Variants in WDR82 observed in about 807,000 individuals in gnomAD.
The protein encoded by WDR82 is WD repeat-containing protein 82.
WDR82 carries 8 observed loss-of-function variants against 36.1 expected under a neutral mutation model. That is an observed-to-expected ratio of 0.22 (90% CI 0.13 to 0.40). The LOEUF (loss-of-function observed/expected upper bound fraction) is 0.40, where lower values mean the gene tolerates loss of function less well. Ranked by LOEUF, WDR82 falls within the 10% of genes least tolerant of loss-of-function variation. The pLI, the probability that WDR82 is intolerant of heterozygous loss-of-function variation, is 1.00. For missense variants in WDR82, 185 were observed against 400.5 expected (o/e 0.46, Z 4.59); for synonymous variants, 129 against 137.8 (o/e 0.94, Z 0.45).
chr3:52,261,086 T>C (rs536143102), intron 4 of WDR82, among the ~76,000 whole-genome samples: 1 of 152,132 alleles, frequency 6.6e-6, no homozygotes, highest in East Asian at 1.9e-4. Flanking sequence ...GATTGCACCA[T>C]TGCACTCCAG....
intron 7 of WDR82, among the ~76,000 whole-genome samples, chr3:52,258,966 GTAGGGTTA>G (rs1700036369): frequency 6.6e-6 from 1 of 152,196 alleles, no homozygotes; most frequent in South Asian, 2.1e-4. Flanking sequence ...ATGACTGAAT[GTAGGGTTA>G]CACCAGGACA....
At position 52,258,583 on chromosome 3, in the gene WDR82, G is replaced by C; in HGVS notation, c.865C>G (p.Gln289Glu). 1.2e-6 allele frequency: 2 copies of C among 1,614,106 alleles called. No homozygotes were observed. The highest frequency in any genetic ancestry group is 1.7e-6 in the Non-Finnish European group (2 of 1,179,974). Residue 289 changes from glutamine to glutamate, a missense_variant, in exon 8 of 9, where the codon CAA becomes GAA. By Grantham distance (29) the Gln-to-Glu change is conservative. Transcript: ENST00000296490. ...GKHTGPITCL[Q>E]FNPKFMTFAS... ...AAAGTCATGAACTTGGGGTTGAATT[G>C]CAAACAGGTAATCGGGCCTGTGTGT...
At chr3:52,277,006 T>TA (rs769178240) in intron 1 of WDR82, among the ~76,000 whole-genome samples, 1,945 of 108,144 alleles carry the variant, frequency 0.018, 25 homozygotes, top group Middle Eastern at 0.068. Flanking sequence ...GACACCAGTC[T>TA]AAAAAAAAAA....
chr3:52,261,642 C>T (rs1039300504), intron 3 of WDR82, among the ~76,000 whole-genome samples, 163 bp from the exon 4 acceptor site: 1 of 151,152 alleles, frequency 6.6e-6, no homozygotes, highest in Non-Finnish European at 1.5e-5. Context: ...ATATCTGGAA[C>T]AAACAAAGGC....
Position 52,269,222 on chromosome 3 carries a change from C to A in WDR82, c.259+1490G>T, listed in dbSNP as rs1030640583. 6.9e-4 allele frequency among the ~76,000 whole-genome samples: 104 copies of A among 151,806 alleles called. 1 individual carries two copies. The highest frequency in any genetic ancestry group is 2.1e-3 in the African/African-American group (85 of 41,294). Reference sequence around the variant, plus strand: ...GGGCGTGGTGGTTCACACCTGTAATCCCAGCACTTTGGGAGGATGAGGCAG... The same window carrying A: ...GGGCGTGGTGGTTCACACCTGTAATACCAGCACTTTGGGAGGATGAGGCAG... On this transcript the variant is annotated intron_variant, in intron 2 of 8. Transcript: ENST00000296490.
chr3:52,268,723 T>TAA (rs775719787), intron 2 of WDR82, among the ~76,000 whole-genome samples: 2 of 139,262 alleles, frequency 1.4e-5, no homozygotes. Context: ...AGAGTCTCAT[T>TAA]AAAAAAAAAA....
intron 5 of WDR82, 27 bp from the exon 6 acceptor site, chr3:52,259,899 C>A (rs1559452723): frequency 6.3e-7 from 1 of 1,592,314 alleles, no homozygotes; most frequent in Non-Finnish European, 8.5e-7. Flanking sequence ...ACAGTAGCCC[C>A]AGGCATATTA....
At chr3:52,267,859 G>A (rs954856409) in intron 2 of WDR82, 1 of 155,438 alleles carries the variant, frequency 6.4e-6, no homozygotes, top group Admixed American at 6.2e-5. Flanking sequence ...AAAAAGACTA[G>A]GAATAAGGAA....
rs144560887 is a variant in WDR82 at position 52,254,513 on chromosome 3, C to T, written c.*2977G>A. 4 of 152,688 alleles carry T rather than the reference C, an allele frequency of 2.6e-5. No individual in the cohort carries two copies. The highest frequency in any genetic ancestry group is 4.4e-5 in the Non-Finnish European group (3 of 68,018). The allele number at this position is 152,688 out of a possible 1,614,324, so 9.5% of individuals were successfully genotyped here. ...ACATAAAATTGTATATACAGAATAA[C>T]GACTATGTAAACACACCAAAAATCT... On this transcript the variant is annotated 3_prime_UTR_variant, in exon 9 of 9. Coordinates refer to ENST00000296490, the MANE Select transcript of WDR82 (RefSeq NM_025222.4).
At chr3:52,274,972 C>T (rs761471207) in intron 1 of WDR82, among the ~76,000 whole-genome samples, 2 of 152,154 alleles carry the variant, frequency 1.3e-5, no homozygotes, top group Non-Finnish European at 2.9e-5. Context: ...CCTGCAATCC[C>T]AGCACTTTGG....
At chr3:52,278,107 G>A (rs2107346487) in intron 1 of WDR82, 94 bp downstream of exon 1, 1 of 1,333,498 alleles carries the variant, frequency 7.5e-7, no homozygotes, top group Middle Eastern at 2.0e-4. Flanking sequence ...TAGGCTGGGG[G>A]CTGAAGTCGG....
chr3:52,265,697 TCCG>T (rs1700099865), intron 3 of WDR82, among the ~76,000 whole-genome samples: 1 of 151,216 alleles, frequency 6.6e-6, no homozygotes, highest in East Asian at 2.0e-4. Context: ...TGCCTGAGCC[TCCG>T]AAGTAGTAGG....
chr3:52,264,526 C>A (rs1700088435), intron 3 of WDR82, among the ~76,000 whole-genome samples: 1 of 152,066 alleles, frequency 6.6e-6, no homozygotes, highest in Admixed American at 6.6e-5. Flanking sequence ...ATGATTTCAA[C>A]AGTGAACATG....
chr3:52,266,861 C>A, intron 3 of WDR82, 91 bp downstream of exon 3: 1 of 1,064,248 alleles, frequency 9.4e-7, no homozygotes, highest in Non-Finnish European at 1.4e-6. Context: ...GAAGTAGCTT[C>A]AGTTCACTAA....
In WDR82 at chr3:52,259,871, C is replaced by T; in HGVS notation, c.545G>A (p.Gly182Glu). The change falls in exon 6 of 9, where the codon GGG becomes GAG. Residue 182 changes from glycine to glutamate, a missense_variant and splice_region_variant. Transcript: ENST00000296490. Reference sequence around the variant, plus strand: ...CTGCATCTTAAAGGTAGCAAATGGCCCCTGCAAAAGATAAAAAACAGTAGC... The same window carrying T: ...CTGCATCTTAAAGGTAGCAAATGGCTCCTGCAAAAGATAAAAAACAGTAGC... ...KLYDLRSFDK[G>E]PFATFKMQYD... 6.2e-7 allele frequency: 1 copy of T among 1,611,036 alleles called. No individual in the cohort carries two copies. The highest frequency in any genetic ancestry group is 8.5e-7 in the Non-Finnish European group (1 of 1,178,602).
intron 2 of WDR82, chr3:52,267,696 G>A (rs1255842337): frequency 6.6e-6 from 1 of 152,200 alleles, no homozygotes. Flanking sequence ...ATTAAAGAAA[G>A]GAACAATCAG....
intron 8 of WDR82, 76 bp downstream of exon 8, chr3:52,258,460 C>T: frequency 6.5e-7 from 1 of 1,548,648 alleles, no homozygotes; most frequent in Non-Finnish European, 8.9e-7. Context: ...ACACAGCTTG[C>T]TGTGCTTGTT....
intron 8 of WDR82, among the ~76,000 whole-genome samples, 191 bp downstream of exon 8, chr3:52,258,345 G>T (rs1207122972): frequency 6.6e-6 from 1 of 152,168 alleles, no homozygotes; most frequent in Non-Finnish European, 1.5e-5. Context: ...GAATAAAAAT[G>T]AAAGGCAAGA....
rs1699998928 is a variant in WDR82, at chr3:52,255,598, A to G, written c.*1892T>C. The G allele has an allele frequency of 6.6e-6, 1 of 152,066 alleles. No individual in the cohort carries two copies. The highest frequency in any genetic ancestry group is 1.9e-4 in the East Asian group (1 of 5,190). The allele number at this position is 152,066 out of a possible 1,614,324, so 9.4% of individuals were successfully genotyped here. ...CTTGCACTTTCAGAGGAACAAGTCA[A>G]AAAGTAATTGCTTAAAAAAAAAAAG... is the stretch of plus-strand genomic sequence containing the variant. On this transcript the variant is annotated 3_prime_UTR_variant, in exon 9 of 9. Transcript: ENST00000296490.
Sources: gnomAD v4.1 joint callset for allele counts (sites outside exome capture counted in the v4.1 genomes callset) on GRCh38, gnomAD v4.1.1 for gene constraint, MANE v1.5 for transcripts, NCBI Gene and HGNC (gene_info 2026-07-23, HGNC 2026-07-21) for gene names.